Variants in CYTH2 observed in about 807,000 individuals in gnomAD.
CYTH2 encodes the protein cytohesin-2.
Under a neutral mutation model 55.4 loss-of-function variants are expected in CYTH2, and 24 were observed. That is an observed-to-expected ratio of 0.43 (90% CI 0.31 to 0.61). The LOEUF (loss-of-function observed/expected upper bound fraction) is 0.61, where lower values mean the gene tolerates loss of function less well. Ranked by LOEUF, CYTH2 falls within the 20% of genes least tolerant of loss-of-function variation. The probability of loss-of-function intolerance (pLI) is 0.08; values close to 1 mark genes in which losing one functional copy is unlikely to be tolerated. For missense variants in CYTH2, 378 were observed against 533.5 expected, an observed-to-expected ratio of 0.71 and a Z score of 2.87; for synonymous variants, 221 against 209.6, an observed-to-expected ratio of 1.05 and a Z score of -0.47.
Position 48,469,506 on chromosome 19 carries a change from C to T in CYTH2, c.-2C>T, listed in dbSNP as rs1347860548. 2.3e-6 allele frequency: 3 copies of T among 1,330,146 alleles called. No individual in the cohort carries two copies. Among genetic ancestry groups the T allele is most frequent in the Non-Finnish European group, 2.9e-6 (3 of 1,031,962 alleles). The allele number at this position is 1,330,146 out of a possible 1,614,324, so 82.4% of individuals were successfully genotyped here. ...GATTCCCCGCGGGCCTTCCTAGCCG[C>T]CATGGAGGACGGCGTCTATGGTAGG... On this transcript the variant is annotated 5_prime_UTR_variant, in exon 1 of 12. Transcript: ENST00000452733.
At chr19:48,476,056 G>A (rs760440880) in intron 8 of CYTH2, 3 of 518,156 alleles carry the variant, frequency 5.8e-6, no homozygotes, top group Non-Finnish European at 7.7e-6. Context: ...TGGCCTCTGA[G>A]TCTTGGGGGC....
rs921641830 is a variant in CYTH2 at position 48,479,057 on chromosome 19, T to C, written c.1113-66T>C. ...GGGGGTCTGAGACTCCTCCTGGGTA[T>C]GAGGGAGGAGGGGCTGGAGGCCTGG... On this transcript the variant is annotated intron_variant, in intron 11 of 11. Coordinates refer to ENST00000452733, the MANE Select transcript of CYTH2 (RefSeq NM_004228.7). 3 of 1,518,170 alleles carry C rather than the reference T, an allele frequency of 2.0e-6. No individual in the cohort carries two copies. The African/African-American group carries it at 4.1e-5, about 21-fold the overall frequency. 94.0% of individuals were successfully genotyped at this position (1,518,170 alleles called of 1,614,324 possible).
intron 4 of CYTH2, 159 bp from the exon 5 acceptor site, chr19:48,473,139 T>A: frequency 1.4e-6 from 1 of 717,488 alleles, no homozygotes; most frequent in Admixed American, 2.3e-5. Flanking sequence ...TCCCCCACCC[T>A]GGGGGCAGGC....
intron 8 of CYTH2, 51 bp from the exon 9 acceptor site, chr19:48,478,018 G>A (rs761757978): frequency 2.0e-6 from 3 of 1,488,604 alleles, no homozygotes; most frequent in African/African-American, 2.8e-5. Context: ...ATCTCCCAGA[G>A]GCCCTGTCCC....
intron 4 of CYTH2, 186 bp from the exon 5 acceptor site, chr19:48,473,112 A>T: frequency 1.6e-6 from 1 of 616,538 alleles, no homozygotes; most frequent in South Asian, 1.9e-5. Context: ...ATTCCTCCCA[A>T]GAGTGTGTTC....
chr19:48,475,063 C>G (rs925619161), intron 8 of CYTH2, 114 bp downstream of exon 8: 1 of 895,752 alleles, frequency 1.1e-6, no homozygotes, highest in African/African-American at 1.7e-5. Flanking sequence ...ATGATTCGAC[C>G]TCTCTGAACC....
At chr19:48,472,488 C>A in intron 4 of CYTH2, 45 bp downstream of exon 4, 2 of 1,490,024 alleles carry the variant, frequency 1.3e-6, no homozygotes, top group East Asian at 2.4e-5. Flanking sequence ...CCTCCCACCC[C>A]CCAGACCCAG....
intron 8 of CYTH2, chr19:48,477,715 A>G: frequency 3.7e-6 from 1 of 270,106 alleles, no homozygotes; most frequent in Non-Finnish European, 7.1e-6. Flanking sequence ...TGTCTGCCCC[A>G]GGAGGTAGGT....
intron 8 of CYTH2, chr19:48,476,611 C>G (rs1971918416): frequency 1.3e-5 from 2 of 152,470 alleles, no homozygotes; most frequent in South Asian, 4.1e-4. Flanking sequence ...CACGGTGGCT[C>G]AGGCCTGTAA....
At chr19:48,469,654 C>T in intron 1 of CYTH2, 128 bp downstream of exon 1, 1 of 1,344,616 alleles carries the variant, frequency 7.4e-7, no homozygotes, top group East Asian at 2.8e-5. Context: ...ACTTGTCGCG[C>T]CGCTTTTGTT....
chr19:48,477,907 A>G (rs1184984518), intron 8 of CYTH2, 162 bp from the exon 9 acceptor site: 2 of 589,808 alleles, frequency 3.4e-6, no homozygotes, highest in African/African-American at 1.9e-5. Context: ...GAGCCCCAAC[A>G]TGCCTGGCCC....
chr19:48,477,854 CT>C (rs1228470249), intron 8 of CYTH2: 4 of 560,408 alleles, frequency 7.1e-6, no homozygotes, highest in Non-Finnish European at 1.3e-5. Context: ...GACTGACAGA[CT>C]CAGAAAATGT....
At position 48,469,478 on chromosome 19, in the gene CYTH2, C is replaced by G; in HGVS notation, c.-30C>G. ...TCCAGGCCCGACTGGCGGGACCGCC[C>G]CGGATTCCCCGCGGGCCTTCCTAGC... On this transcript the variant is annotated 5_prime_UTR_variant, in exon 1 of 12. Coordinates refer to ENST00000452733, the MANE Select transcript of CYTH2 (RefSeq NM_004228.7). 7.6e-7 allele frequency: 1 copy of G among 1,316,002 alleles called. No individual in the cohort carries two copies. Among genetic ancestry groups the G allele is most frequent in the Non-Finnish European group, 9.8e-7 (1 of 1,024,578 alleles). The allele number at this position is 1,316,002 out of a possible 1,614,324, so 81.5% of individuals were successfully genotyped here.
intron 8 of CYTH2, chr19:48,475,294 A>G: frequency 4.1e-6 from 1 of 246,268 alleles, no homozygotes; most frequent in Non-Finnish European, 7.8e-6. Context: ...CACTGCGTTA[A>G]CCCAGCCCGA....
At position 48,481,496 on chromosome 19, in the gene CYTH2, T is replaced by TG. The variant is rs1229924938; in HGVS notation, c.*2286_*2287insG. 8 of 186,910 alleles carry TG rather than the reference T, an allele frequency of 4.3e-5. No homozygotes were observed. Among genetic ancestry groups the TG allele is most frequent in the Admixed American group, 1.8e-4 (3 of 17,046 alleles). 11.6% of individuals were successfully genotyped at this position (186,910 alleles called of 1,614,324 possible). ...GCTTCTGATTTTTTTTGTAGGTTTT[T>TG]TTTTTTGTTTTTTGTTTTGTTTTGT... On this transcript the variant is annotated 3_prime_UTR_variant, in exon 12 of 12. Coordinates refer to ENST00000452733, the MANE Select transcript of CYTH2 (RefSeq NM_004228.7).
At chr19:48,471,497 G>A (rs1971793083) in intron 3 of CYTH2, among the ~76,000 whole-genome samples, 1 of 152,208 alleles carries the variant, frequency 6.6e-6, no homozygotes, top group Non-Finnish European at 1.5e-5. Context: ...CCTCTCAAGA[G>A]TCTGATCCTG....
Position 48,478,055 on chromosome 19 carries a change from C to G in CYTH2, c.809-14C>G, listed in dbSNP as rs1435343473. On this transcript the variant is annotated splice_polypyrimidine_tract_variant and intron_variant, in intron 8 of 11. Transcript: ENST00000452733. ...CTGTTGAGCCCAGGCCCCCTCCCAC[C>G]CCTTCCCTTTCAGGGGGCCGGGTGA... 6.2e-7 allele frequency: 1 copy of G among 1,612,938 alleles called. No individual in the cohort carries two copies. The highest frequency in any genetic ancestry group is 1.3e-5 in the African/African-American group (1 of 74,922).
intron 1 of CYTH2, 103 bp from the exon 2 acceptor site, chr19:48,470,250 A>C (rs374947225): frequency 2.7e-6 from 4 of 1,465,346 alleles, no homozygotes; most frequent in African/African-American, 1.4e-5. Context: ...AGACATAGGA[A>C]GCCCCTTACA....
chr19:48,474,741 A>G lies in CYTH2; in HGVS notation c.697-97A>G. ...CCACTACCCCTCTCTCTTCCCCACTATGAGTCATCCCATCCCTGGTCTCGC... is the reference window on the plus strand; with the variant it reads ...CCACTACCCCTCTCTCTTCCCCACTGTGAGTCATCCCATCCCTGGTCTCGC... On this transcript the variant is annotated intron_variant, in intron 7 of 11. Coordinates refer to ENST00000452733, the MANE Select transcript of CYTH2 (RefSeq NM_004228.7). The surrounding 1 kb of genome is among the most constrained non-coding windows in gnomAD (Gnocchi z 4.9). The G allele has an allele frequency of 1.0e-6, 1 of 1,004,542 alleles. No homozygotes were observed. The allele number at this position is 1,004,542 out of a possible 1,614,324, so 62.2% of individuals were successfully genotyped here.
Sources: gnomAD v4.1 joint callset for allele counts (sites outside exome capture counted in the v4.1 genomes callset) on GRCh38, gnomAD v4.1.1 for gene constraint, Gnocchi (gnomAD v3.1) non-coding constraint, MANE v1.5 for transcripts, NCBI Gene and HGNC (gene_info 2026-07-23, HGNC 2026-07-21) for gene names.